NAALADL2: variants seen among roughly 807,000 people sequenced by gnomAD.
NAALADL2 encodes N-acetylated alpha-linked acidic dipeptidase like 2.
NAALADL2 carries 76 observed loss-of-function variants against 87.2 expected under a neutral mutation model. The ratio of observed to expected loss-of-function variants is 0.87; its 90% CI spans 0.72 to 1.05. The LOEUF (loss-of-function observed/expected upper bound fraction) is 1.05. Among genes scored for constraint, NAALADL2 ranks in the 50% least tolerant of loss-of-function variants. The pLI is 0.00. For synonymous variants in NAALADL2, 354 were observed against 331.0 expected, an observed-to-expected ratio of 1.07 and a Z score of -0.75; for missense variants, 1,089 against 945.8, an observed-to-expected ratio of 1.15 and a Z score of -1.99.
chr3:174,994,387 G>C (rs9814107), intron 1 of NAALADL2, among the ~76,000 whole-genome samples: 2,439 of 152,224 alleles, frequency 0.016, 38 homozygotes, highest in African/African-American at 0.041. Flanking sequence ...TGTCTCCATG[G>C]CATTTCAAAT....
chr3:175,068,982 C>T (rs1690146098), intron 1 of NAALADL2, among the ~76,000 whole-genome samples: 2 of 152,028 alleles, frequency 1.3e-5, no homozygotes, highest in African/African-American at 2.4e-5. Context: ...GAGAGAGTTC[C>T]AAAAACTGTA....
chr3:175,330,139 T>C (rs1381117944), intron 5 of NAALADL2, among the ~76,000 whole-genome samples: 1 of 152,176 alleles, frequency 6.6e-6, no homozygotes, highest in Non-Finnish European at 1.5e-5. Context: ...CATGATGAAT[T>C]CTGAGGATGA....
At chr3:175,110,755 C>T (rs997766324) in intron 2 of NAALADL2, among the ~76,000 whole-genome samples, 2 of 151,444 alleles carry the variant, frequency 1.3e-5, no homozygotes, top group African/African-American at 2.4e-5. Context: ...TTGGGGATTG[C>T]GGAAAATGTC....
At chr3:175,556,806 C>T (rs1208282327) in intron 9 of NAALADL2, among the ~76,000 whole-genome samples, 1 of 151,936 alleles carries the variant, frequency 6.6e-6, no homozygotes, top group Non-Finnish European at 1.5e-5. Context: ...ATCTCTTATC[C>T]CTTATTTATT....
intron 1 of NAALADL2, among the ~76,000 whole-genome samples, chr3:175,055,461 A>G (rs1559966975): frequency 6.6e-6 from 1 of 152,208 alleles, no homozygotes; most frequent in Non-Finnish European, 1.5e-5. Flanking sequence ...CCCCAGGCAG[A>G]AGGCTCACAG....
chr3:175,397,999 T>C (rs1461545328), intron 5 of NAALADL2, among the ~76,000 whole-genome samples: 1 of 152,216 alleles, frequency 6.6e-6, no homozygotes, highest in East Asian at 1.9e-4. Context: ...AAGTGTTGAA[T>C]TGGATGTTCT....
At chr3:175,461,435 C>G (rs1455440774) in intron 6 of NAALADL2, among the ~76,000 whole-genome samples, 2 of 152,168 alleles carry the variant, frequency 1.3e-5, no homozygotes, top group African/African-American at 4.8e-5. Context: ...CAAGTCCCCA[C>G]TTGACCCAGG....
intron 8 of NAALADL2, among the ~76,000 whole-genome samples, chr3:175,468,455 C>T (rs1329412466): frequency 6.6e-6 from 1 of 151,952 alleles, no homozygotes; most frequent in Non-Finnish European, 1.5e-5. Context: ...AGTTAAAGAA[C>T]AGTTTAGGGA....
chr3:175,530,655 A>G (rs986120690), intron 9 of NAALADL2, among the ~76,000 whole-genome samples: 2 of 152,212 alleles, frequency 1.3e-5, no homozygotes, highest in African/African-American at 4.8e-5. Context: ...CTTGCAGTGC[A>G]GGCTGGAAGA....
chr3:174,871,236 T>G (rs1190612460), intron 1 of NAALADL2, among the ~76,000 whole-genome samples: 2 of 152,170 alleles, frequency 1.3e-5, no homozygotes, highest in Non-Finnish European at 2.9e-5. Context: ...ACTTAACAAA[T>G]TACATGTAAA....
intron 9 of NAALADL2, among the ~76,000 whole-genome samples, chr3:175,533,644 T>A (rs1734399010): frequency 6.6e-6 from 1 of 152,168 alleles, no homozygotes; most frequent in Admixed American, 6.5e-5. Flanking sequence ...GGGTCCCAGG[T>A]CCCATTCTTT....
chr3:175,734,514 G>T (rs1235866277), intron 11 of NAALADL2, among the ~76,000 whole-genome samples: 1 of 151,986 alleles, frequency 6.6e-6, no homozygotes, highest in Non-Finnish European at 1.5e-5. Flanking sequence ...CCAAGATTGT[G>T]CCACTGTGCT....
intron 11 of NAALADL2, among the ~76,000 whole-genome samples, chr3:175,634,960 C>A (rs1485147224): frequency 6.6e-6 from 1 of 151,938 alleles, no homozygotes; most frequent in Non-Finnish European, 1.5e-5. Flanking sequence ...GAAGGTTGTA[C>A]TTTGTAATAA....
At chr3:175,535,318 T>C (rs1283295023) in intron 9 of NAALADL2, among the ~76,000 whole-genome samples, 2 of 152,234 alleles carry the variant, frequency 1.3e-5, no homozygotes, top group African/African-American at 4.8e-5. Flanking sequence ...TAGGCTAACA[T>C]CCCAGAACTT....
chr3:174,632,752 T>C (rs1032018012), intron 2 of NAALADL2, among the ~76,000 whole-genome samples: 2 of 151,674 alleles, frequency 1.3e-5, no homozygotes, highest in Admixed American at 1.3e-4. Flanking sequence ...TGGTCAAATA[T>C]GGTAAAACCC....
chr3:174,563,812 C>G (rs1713912419), intron 2 of NAALADL2, among the ~76,000 whole-genome samples: 1 of 152,078 alleles, frequency 6.6e-6, no homozygotes, highest in Non-Finnish European at 1.5e-5. Flanking sequence ...TACTTTTTGG[C>G]CTAGAATACG....
At chr3:175,782,328 TAA>T (rs1248000229) in intron 13 of NAALADL2, among the ~76,000 whole-genome samples, 1 of 36,092 alleles carries the variant, frequency 2.8e-5, no homozygotes, top group African/African-American at 1.1e-4. Context: ...ACCAACAGTG[TAA>T]AAGTGTTCCT....
intron 5 of NAALADL2, among the ~76,000 whole-genome samples, chr3:175,371,930 G>T (rs1766556370): frequency 6.6e-6 from 1 of 152,022 alleles, no homozygotes; most frequent in Non-Finnish European, 1.5e-5. Flanking sequence ...GTTCCTTCTA[G>T]TTTCCTAATA....
At chr3:175,294,114 C>G (rs1385860229) in intron 4 of NAALADL2, among the ~76,000 whole-genome samples, 1 of 152,038 alleles carries the variant, frequency 6.6e-6, no homozygotes, top group African/African-American at 2.4e-5. Flanking sequence ...GGGAATTTGA[C>G]GAGGATTCTG....
Sources: allele counts gnomAD v4.1 joint callset (sites outside exome capture counted in the v4.1 genomes callset), GRCh38; gene constraint gnomAD v4.1.1; transcripts MANE v1.5; gene names NCBI Gene and HGNC (gene_info 2026-07-23, HGNC 2026-07-21).